The following CBLB variants were observed in gnomAD, a reference collection of about 807,000 sequenced individuals.
The protein encoded by CBLB is E3 ubiquitin-protein ligase CBL-B.
In CBLB, 31 loss-of-function variants were observed where a neutral mutation model predicts 104.9. The observed-to-expected ratio is 0.30, with a 90% confidence interval of 0.22 to 0.40. The LOEUF is 0.40. Ranked by LOEUF, CBLB falls within the 10% of genes least tolerant of loss-of-function variation. The pLI is 1.00. For missense variants in CBLB, 1,062 were observed against 1,214.6 expected (o/e 0.87, Z 1.87); for synonymous variants, 440 against 422.6 (o/e 1.04, Z -0.51).
chr3:105,804,200 G>A (rs1030736984), intron 3 of CBLB, among the ~76,000 whole-genome samples: 8 of 152,082 alleles, frequency 5.3e-5, no homozygotes, highest in Non-Finnish European at 7.4e-5. Context: ...CTATAAATGC[G>A]GATACACACT....
chr3:105,805,494 C>T (rs759152826), intron 3 of CBLB, among the ~76,000 whole-genome samples: 5 of 151,996 alleles, frequency 3.3e-5, no homozygotes, highest in East Asian at 1.9e-4. Flanking sequence ...TTAGTAGAGA[C>T]GGGGTTTTGC....
In CBLB at chr3:105,793,056, T is replaced by A. The variant is rs184776679; in HGVS notation, c.420-16514A>T. Among the ~76,000 whole-genome samples the A allele has an allele frequency of 2.0e-3, 303 of 152,250 alleles. 2 individuals carry two copies. Among genetic ancestry groups the A allele is most frequent in the African/African-American group, 7.1e-3 (294 of 41,554 alleles). Reference sequence around the variant, plus strand: ...GCAATCAGGGCCTCCCCTGATTGCTTCCACCAGCATAAATATCCTTGGAAA... The same window carrying A: ...GCAATCAGGGCCTCCCCTGATTGCTACCACCAGCATAAATATCCTTGGAAA... On this transcript the variant is annotated intron_variant, in intron 3 of 18. Coordinates refer to ENST00000394030, the MANE Select transcript of CBLB (RefSeq NM_170662.5).
chr3:105,761,460 G>A (rs1576967039), intron 4 of CBLB, among the ~76,000 whole-genome samples: 2 of 152,184 alleles, frequency 1.3e-5, no homozygotes, highest in South Asian at 4.1e-4. Flanking sequence ...AATCATGGGG[G>A]CAGTTTCCGA....
intron 13 of CBLB, among the ~76,000 whole-genome samples, chr3:105,691,619 A>G (rs1282614225): frequency 6.6e-6 from 1 of 152,188 alleles, no homozygotes; most frequent in Non-Finnish European, 1.5e-5. Context: ...TTGAGCTTAG[A>G]TGTTTTATTA....
At position 105,699,355 on chromosome 3, in the gene CBLB, A is replaced by G. The variant is rs555172060; in HGVS notation, c.1959+2739T>C. Among the ~76,000 whole-genome samples, 20 of 152,298 alleles carry G rather than the reference A, an allele frequency of 1.3e-4. No homozygotes were observed. The Middle Eastern group carries it at 0.01, about 78-fold the overall frequency. ...TTATTCCTGAACCAAGGGGTTTAGAAATTTAGATAGCTGGAAGCTAACTAT... is the reference window on the plus strand; with the variant it reads ...TTATTCCTGAACCAAGGGGTTTAGAGATTTAGATAGCTGGAAGCTAACTAT... On this transcript the variant is annotated intron_variant, in intron 12 of 18. Coordinates refer to ENST00000394030, the MANE Select transcript of CBLB (RefSeq NM_170662.5).
At chr3:105,748,829 T>C (rs568965067) in intron 5 of CBLB, among the ~76,000 whole-genome samples, 1 of 152,226 alleles carries the variant, frequency 6.6e-6, no homozygotes, top group East Asian at 1.9e-4. Context: ...GCCCCCCCAC[T>C]GGCTCCTTCT....
At chr3:105,805,123 C>T (rs2083343681) in intron 3 of CBLB, among the ~76,000 whole-genome samples, 2 of 152,054 alleles carry the variant, frequency 1.3e-5, no homozygotes, top group South Asian at 4.1e-4. Flanking sequence ...ACTCTGCCAC[C>T]ATCATCTTTC....
intron 2 of CBLB, among the ~76,000 whole-genome samples, chr3:105,855,848 G>C (rs2091535668): frequency 6.6e-6 from 1 of 152,084 alleles, no homozygotes; most frequent in Non-Finnish European, 1.5e-5. Context: ...TTTGATGTTT[G>C]TACTTTCGTA....
intron 3 of CBLB, among the ~76,000 whole-genome samples, chr3:105,806,577 C>A (rs2083533832): frequency 1.3e-5 from 2 of 151,362 alleles, no homozygotes; most frequent in South Asian, 4.2e-4. Context: ...AGTCATAACC[C>A]CCCAGTAAGC....
intron 9 of CBLB, among the ~76,000 whole-genome samples, chr3:105,725,813 T>C (rs1044996757): frequency 2.0e-5 from 3 of 152,182 alleles, no homozygotes; most frequent in African/African-American, 4.8e-5. Flanking sequence ...TGGTCGCCTT[T>C]GAAGGAAGAT....
intron 3 of CBLB, among the ~76,000 whole-genome samples, chr3:105,829,921 G>A (rs1393473032): frequency 6.6e-6 from 1 of 151,998 alleles, no homozygotes; most frequent in Non-Finnish European, 1.5e-5. Flanking sequence ...TTTAATTTAA[G>A]GGGATATCTC....
chr3:105,741,027 C>T (rs145696800), intron 6 of CBLB, among the ~76,000 whole-genome samples: 1 of 144,672 alleles, frequency 6.9e-6, no homozygotes, highest in Admixed American at 7.0e-5. Context: ...CTACCTCAGA[C>T]AAAAACTGAG....
chr3:105,864,096 T>C (rs2092284642), intron 2 of CBLB, among the ~76,000 whole-genome samples: 1 of 152,156 alleles, frequency 6.6e-6, no homozygotes, highest in South Asian at 2.1e-4. Flanking sequence ...TAAAAGGCAA[T>C]GGCCAGCAGA....
intron 2 of CBLB, among the ~76,000 whole-genome samples, chr3:105,857,466 T>C (rs1577931652): frequency 6.6e-6 from 1 of 152,172 alleles, no homozygotes; most frequent in African/African-American, 2.4e-5. Flanking sequence ...ATTCTTGCTC[T>C]AAGGGATCTT....
intron 10 of CBLB, among the ~76,000 whole-genome samples, chr3:105,707,359 GGA>G (rs1237297868): frequency 1.3e-5 from 2 of 152,130 alleles, no homozygotes; most frequent in African/African-American, 2.4e-5. Flanking sequence ...AGGATTTTAT[GGA>G]GAGTATGTGA....
At chr3:105,677,282 C>A (rs2065762965) in intron 17 of CBLB, among the ~76,000 whole-genome samples, 1 of 150,964 alleles carries the variant, frequency 6.6e-6, no homozygotes, top group Non-Finnish European at 1.5e-5. Flanking sequence ...CTGTGTATTC[C>A]AAGTTGTACG....
rs1204227046 is a variant in CBLB at position 105,678,523 on chromosome 3, G to A, written c.2477C>T (p.Pro826Leu). The A allele has an allele frequency of 1.2e-6, 2 of 1,613,884 alleles. No homozygotes were observed. Among genetic ancestry groups the A allele is most frequent in the Non-Finnish European group, 1.7e-6 (2 of 1,179,784 alleles). Residue 826 changes from proline to leucine, a missense_variant, in exon 17 of 19, where the codon CCT (proline) becomes CTT (leucine). Physicochemically the swap from Pro to Leu is moderately conservative, Grantham distance 98. Transcript: ENST00000394030. ...ALPPSLPPPP[P>L]PARHSLIEHS... is the part of the protein sequence containing the mutation. ...TTCAATGAGACTATGCCTTGCAGGA[G>A]GTGGGGGAGGTGGGAGAGATGGAGG... is the stretch of plus-strand genomic sequence containing the variant.
intron 12 of CBLB, among the ~76,000 whole-genome samples, chr3:105,697,193 T>G (rs748244961): frequency 8.5e-5 from 13 of 152,068 alleles, no homozygotes; most frequent in South Asian, 2.1e-4. Flanking sequence ...GGTAATGAGG[T>G]TGAAGAACTA....
At chr3:105,779,620 G>A (rs1045550187) in intron 3 of CBLB, among the ~76,000 whole-genome samples, 1 of 151,114 alleles carries the variant, frequency 6.6e-6, no homozygotes, top group African/African-American at 2.4e-5. Context: ...ATTTATAGAG[G>A]TTGCAATCGA....
Sources: gnomAD v4.1 joint callset for allele counts (sites outside exome capture counted in the v4.1 genomes callset) on GRCh38, gnomAD v4.1.1 for gene constraint, MANE v1.5 for transcripts, NCBI Gene and HGNC (gene_info 2026-07-23, HGNC 2026-07-21) for gene names.